Variants in PLA2R1 observed in about 807,000 individuals in gnomAD.
PLA2R1 encodes phospholipase A2 receptor 1, also known as secretory phospholipase A2 receptor.
In PLA2R1, 158 loss-of-function variants were observed where a neutral mutation model predicts 195.9. The ratio of observed to expected loss-of-function variants is 0.81; its 90% confidence interval spans 0.71 to 0.92. The LOEUF (loss-of-function observed/expected upper bound fraction) is 0.92, where lower values mean the gene tolerates loss of function less well. Among genes scored for constraint, PLA2R1 ranks in the 40% least tolerant of loss-of-function variants. The pLI is 0.00. For synonymous variants in PLA2R1, 586 were observed against 598.2 expected (o/e 0.98, Z 0.30); for missense variants, 1,626 against 1,764.6 (o/e 0.92, Z 1.41).
In PLA2R1 at chr2:159,951,444, T is replaced by C. The variant is rs1278207566; in HGVS notation, c.3436A>G (p.Lys1146Glu). Residue 1146 changes from lysine (K) to glutamate (E), a missense_variant, in exon 24 of 30, where the codon AAA (lysine) becomes GAA (glutamate). Transcript: ENST00000283243. ...YAAIKTCLMH[K>E]AQLVSITDQY... ...TCTGTGATGCTGACCAGTTGTGCTT[T>C]GTGCATCAGGCAGGTTTTTATTGCT... 18 of 1,613,658 alleles carry C rather than the reference T, an allele frequency of 1.1e-5. No homozygotes were observed. The highest frequency in any genetic ancestry group is 1.4e-5 in the Non-Finnish European group (17 of 1,179,670).
intron 6 of PLA2R1, among the ~76,000 whole-genome samples, chr2:160,026,458 C>A (rs1424941209): frequency 6.6e-6 from 1 of 152,068 alleles, no homozygotes; most frequent in East Asian, 1.9e-4. Flanking sequence ...GAAAATAAGT[C>A]TTGAGTGTCC....
intron 1 of PLA2R1, among the ~76,000 whole-genome samples, chr2:160,046,351 G>A (rs569460946): frequency 6.6e-6 from 1 of 152,250 alleles, no homozygotes; most frequent in South Asian, 2.1e-4. Flanking sequence ...TCAAAACTCT[G>A]AAGGGACAAG....
At chr2:160,016,278 A>G (rs1460396541) in intron 9 of PLA2R1, among the ~76,000 whole-genome samples, 3 of 142,534 alleles carry the variant, frequency 2.1e-5, no homozygotes, top group Non-Finnish European at 3.1e-5. Context: ...AAAAAAAAAG[A>G]AAAAGAAAAA....
intron 16 of PLA2R1, among the ~76,000 whole-genome samples, chr2:159,976,476 T>C (rs1048555156): frequency 6.6e-6 from 1 of 152,156 alleles, no homozygotes; most frequent in Non-Finnish European, 1.5e-5. Flanking sequence ...TAAAATCGCA[T>C]GTCATGAAAA....
At chr2:160,036,898 G>A (rs574292017) in intron 3 of PLA2R1, among the ~76,000 whole-genome samples, 9 of 68,120 alleles carry the variant, frequency 1.3e-4, no homozygotes, top group East Asian at 4.2e-4. Flanking sequence ...AAAATGGAAC[G>A]GGGGAGGTGG....
At chr2:159,925,179 C>T in the PLA2R1 span, among the ~76,000 whole-genome samples, 10 of 125,926 alleles carry the variant, frequency 7.9e-5, no homozygotes, top group East Asian at 2.3e-4. Context: ...TTATTTTCCA[C>T]GTCAGTTATA....
At position 160,022,687 on chromosome 2, in the gene PLA2R1, A is replaced by G. The variant is rs778774692; in HGVS notation, c.1272T>C (p.Phe424=). 1 of 1,599,658 alleles carries G rather than the reference A, an allele frequency of 6.3e-7. No individual in the cohort carries two copies. Among genetic ancestry groups the G allele is most frequent in the Non-Finnish European group, 8.5e-7 (1 of 1,171,740 alleles). The part of the protein sequence containing the change: ...IDITSLAEVE[F]LVTLLGDENA... ...CACCATCTCCAAGGAGGGTTACAAG[A>G]AACTCCACCTCTGCTAATGAGGTTA... is the stretch of plus-strand genomic sequence containing the variant. Residue 424 remains phenylalanine, a synonymous_variant, in exon 7 of 30, where the codon TTT becomes TTC. Transcript: ENST00000283243.
chr2:159,924,737 G>T, the PLA2R1 span, among the ~76,000 whole-genome samples: 12 of 149,602 alleles, frequency 8.0e-5, no homozygotes, highest in Non-Finnish European at 1.3e-4. Context: ...GCTGGGGGGG[G>T]GGCGGTGCGA....
rs184118950 is a variant in PLA2R1 at position 159,971,219 on chromosome 2, C to T, written c.2596-1007G>A. 5.2e-3 allele frequency among the ~76,000 whole-genome samples: 797 copies of T among 151,934 alleles called. 4 individuals carry two copies. The highest frequency in any genetic ancestry group is 8.0e-3 in the Non-Finnish European group (545 of 67,958). On this transcript the variant is annotated intron_variant, in intron 17 of 29. Coordinates refer to ENST00000283243, the MANE Select transcript of PLA2R1 (RefSeq NM_007366.5). ...TTGGAATTTTAGTAGATTATAAATT[C>T]TATGTTAACAGAGTGATATAGTTAT... is the stretch of plus-strand genomic sequence containing the variant.
At chr2:160,053,192 A>T (rs543208130) in intron 1 of PLA2R1, among the ~76,000 whole-genome samples, 1 of 152,240 alleles carries the variant, frequency 6.6e-6, no homozygotes, top group African/African-American at 2.4e-5. Context: ...GTCTCTTCAC[A>T]TCATCTCTCT....
At chr2:160,013,794 G>A (rs943878160) in intron 9 of PLA2R1, among the ~76,000 whole-genome samples, 5 of 150,192 alleles carry the variant, frequency 3.3e-5, no homozygotes, top group Admixed American at 2.0e-4. Flanking sequence ...AAATGGTCCC[G>A]ACAGGAGGGT....
intron 6 of PLA2R1, among the ~76,000 whole-genome samples, chr2:160,027,092 T>C (rs1693570372): frequency 1.3e-5 from 2 of 152,234 alleles, no homozygotes; most frequent in Admixed American, 1.3e-4. Flanking sequence ...ATCGTGCCAT[T>C]GCACTCCAGC....
chr2:160,032,915 TC>T, intron 4 of PLA2R1, 43 bp downstream of exon 4: 1 of 1,291,124 alleles, frequency 7.7e-7, no homozygotes, highest in Non-Finnish European at 1.1e-6. Flanking sequence ...TTAACAACCA[TC>T]TTTTATTGTA....
chr2:159,959,768 C>G (rs2105185228), intron 20 of PLA2R1, among the ~76,000 whole-genome samples: 1 of 152,090 alleles, frequency 6.6e-6, no homozygotes, highest in East Asian at 1.9e-4. Flanking sequence ...GGCATCCTTA[C>G]CTTCCCACTC....
intron 11 of PLA2R1, among the ~76,000 whole-genome samples, chr2:159,994,904 T>C (rs1691103705): frequency 6.6e-6 from 1 of 152,122 alleles, no homozygotes; most frequent in Non-Finnish European, 1.5e-5. Flanking sequence ...AGTGTTCATG[T>C]AGGTTCGTCA....
At chr2:159,981,852 A>T (rs749483332) in intron 13 of PLA2R1, among the ~76,000 whole-genome samples, 17 of 152,004 alleles carry the variant, frequency 1.1e-4, no homozygotes, top group Admixed American at 1.3e-4. Context: ...ATTTTGAAAA[A>T]TTTTTTTGTA....
chr2:159,959,685 C>T (rs565284635), intron 20 of PLA2R1, among the ~76,000 whole-genome samples: 12 of 152,218 alleles, frequency 7.9e-5, no homozygotes, highest in African/African-American at 2.9e-4. Context: ...GGTCCTTTCC[C>T]AGTGTTCCTA....
At chr2:160,007,683 G>A (rs1692093031) in intron 10 of PLA2R1, among the ~76,000 whole-genome samples, 1 of 152,216 alleles carries the variant, frequency 6.6e-6, no homozygotes, top group Non-Finnish European at 1.5e-5. Flanking sequence ...CTTGTATACT[G>A]AAAGGTGAAA....
At chr2:160,060,835 C>A (rs1338392014) in intron 1 of PLA2R1, among the ~76,000 whole-genome samples, 1 of 152,188 alleles carries the variant, frequency 6.6e-6, no homozygotes, top group East Asian at 1.9e-4. Context: ...CCAGGCAAAA[C>A]CCACATTTTA....
Sources: gnomAD v4.1 joint callset for allele counts (sites outside exome capture counted in the v4.1 genomes callset) on GRCh38, gnomAD v4.1.1 for gene constraint, MANE v1.5 for transcripts, NCBI Gene and HGNC (gene_info 2026-07-23, HGNC 2026-07-21) for gene names.